ATP10A: variants seen among roughly 807,000 people sequenced by gnomAD.
ATP10A encodes the protein ATPase phospholipid transporting 10A (putative).
In ATP10A, 111 loss-of-function variants were observed where a neutral mutation model predicts 147.8. The ratio of observed to expected loss-of-function variants is 0.75; its 90% CI spans 0.64 to 0.88. The LOEUF (loss-of-function observed/expected upper bound fraction) is 0.88, where lower values mean the gene tolerates loss of function less well. Among genes scored for constraint, ATP10A ranks in the 40% least tolerant of loss-of-function variants. The probability of loss-of-function intolerance (pLI) is 0.00; values close to 1 mark genes in which losing one functional copy is unlikely to be tolerated. For missense variants in ATP10A, 1,927 were observed against 1,959.0 expected (o/e 0.98, Z 0.31); for synonymous variants, 875 against 841.6 (o/e 1.04, Z -0.69).
In ATP10A at chr15:25,683,388, G is replaced by A. The variant is rs1292707172; in HGVS notation, c.3390C>T (p.Phe1130=). 1.2e-6 allele frequency: 2 copies of A among 1,614,032 alleles called. No homozygotes were observed. The highest frequency in any genetic ancestry group is 2.7e-5 in the African/African-American group (2 of 74,934). Residue 1130 remains phenylalanine, a synonymous_variant, in exon 17 of 21, where the codon TTC becomes TTT. Coordinates refer to ENST00000555815, the MANE Select transcript of ATP10A (RefSeq NM_024490.4). ...QWYLIFFNLL[F]SSLPPLVTGV... ...CAGTCACGAGCGGGGGAAGTGACGA[G>A]AAGAGCAGATTAAAGAAGATTAGAT...
At chr15:25,766,405 T>C (rs1016588757) in intron 2 of ATP10A, among the ~76,000 whole-genome samples, 1 of 152,264 alleles carries the variant, frequency 6.6e-6, no homozygotes, top group East Asian at 1.9e-4. Flanking sequence ...TGCTGTAGCC[T>C]GCCTGTATAA....
intron 1 of ATP10A, among the ~76,000 whole-genome samples, chr15:25,813,179 C>T (rs1406049824): frequency 6.6e-6 from 1 of 152,064 alleles, no homozygotes; most frequent in Non-Finnish European, 1.5e-5. Context: ...AGGGAAAGAC[C>T]CAATGGTAAA....
Position 25,716,737 on chromosome 15 carries a change from C to T in ATP10A, c.1769G>A (p.Arg590Gln), listed in dbSNP as rs138618267. 6.4e-5 allele frequency: 102 copies of T among 1,582,624 alleles called. No homozygotes were observed. In the African/African-American group the frequency reaches 7.4e-4, roughly 12 times the overall value. The stretch of plus-strand genomic sequence containing the variant: ...GGACCCTCCAGAACTTGCCTTTGTT[C>T]GTGGCTGATCCGGGGACGTGACGAC... ...TVVVTSPDQP[R>Q]TKVRVRFELK... is the part of the protein sequence containing the mutation. The change falls in exon 9 of 21, where the codon CGA (arginine) becomes CAA (glutamine). Residue 590 changes from arginine to glutamine, a missense_variant. Coordinates refer to ENST00000555815, the MANE Select transcript of ATP10A (RefSeq NM_024490.4).
chr15:25,851,519 C>G (rs756074077), intron 1 of ATP10A, among the ~76,000 whole-genome samples: 4 of 152,168 alleles, frequency 2.6e-5, no homozygotes, highest in Non-Finnish European at 5.9e-5. Flanking sequence ...TTACAATATA[C>G]GCCACATTGC....
chr15:25,730,348 G>A (rs1198079541), intron 3 of ATP10A, among the ~76,000 whole-genome samples: 1 of 8,644 alleles, frequency 1.2e-4, no homozygotes, highest in Non-Finnish European at 3.5e-3. Context: ...AAGAAAGGAA[G>A]GAAGGAAGGA....
At chr15:25,807,234 G>A (rs1313551745) in intron 1 of ATP10A, among the ~76,000 whole-genome samples, 1 of 152,156 alleles carries the variant, frequency 6.6e-6, no homozygotes, top group South Asian at 2.1e-4. Context: ...CTGGCTGCTC[G>A]ACCCTGTCCT....
downstream of ATP10A, among the ~76,000 whole-genome samples, chr15:25,672,584 C>T (rs2140259926): frequency 6.6e-6 from 1 of 152,286 alleles, no homozygotes; most frequent in African/African-American, 2.4e-5. Flanking sequence ...AGCAGCTGTG[C>T]CATTTTGCAT....
At position 25,715,213 on chromosome 15, in the gene ATP10A, T is replaced by C. The variant is rs111964490; in HGVS notation, c.1777-972A>G. 4.5e-3 allele frequency among the ~76,000 whole-genome samples: 693 copies of C among 152,352 alleles called. 9 individuals are homozygous for C. Among genetic ancestry groups the C allele is most frequent in the African/African-American group, 0.016 (664 of 41,584 alleles). On this transcript the variant is annotated intron_variant, in intron 9 of 20. Transcript: ENST00000555815. ...GTAAAGCAAGGTGCATAGAGCCAGA[T>C]TTTGATACAGGTGCTTTTCCTTTGG...
intron 17 of ATP10A, among the ~76,000 whole-genome samples, chr15:25,682,086 G>T (rs1473435030): frequency 1.4e-5 from 2 of 147,156 alleles, no homozygotes; most frequent in African/African-American, 5.0e-5. Flanking sequence ...AGATGAAACT[G>T]CTTTCTGCAT....
Position 25,679,962 on chromosome 15 carries a change from T to A in ATP10A, c.3879A>T (p.Arg1293Ser). 1 of 1,593,020 alleles carries A rather than the reference T, an allele frequency of 6.3e-7. No homozygotes were observed. The highest frequency in any genetic ancestry group is 8.6e-7 in the Non-Finnish European group (1 of 1,165,788). Residue 1293 changes from arginine (R) to serine (S), a missense_variant, in exon 21 of 21, where the codon AGA (arginine) becomes AGT (serine). Coordinates refer to ENST00000555815, the MANE Select transcript of ATP10A (RefSeq NM_024490.4). Reference sequence around the variant, plus strand: ...TGGGGAAAACCCTCCCCTGGAGGGATCTGAAAAACAATCTAGAAAAAGTAC... The same window carrying A: ...TGGGGAAAACCCTCCCCTGGAGGGAACTGAAAAACAATCTAGAAAAAGTAC... ...VAALLPRLFF[R>S]SLQGRVFPTQ... is the part of the protein sequence containing the mutation.
chr15:25,755,860 T>C (rs980596253), intron 2 of ATP10A, among the ~76,000 whole-genome samples: 17 of 152,376 alleles, frequency 1.1e-4, no homozygotes, highest in African/African-American at 4.1e-4. Context: ...TAGCTAATTT[T>C]GAAACTCTTT....
chr15:25,853,118 A>G (rs1398571068), intron 1 of ATP10A, among the ~76,000 whole-genome samples: 2 of 152,254 alleles, frequency 1.3e-5, no homozygotes, highest in African/African-American at 4.8e-5. Flanking sequence ...CAGTGGAAAA[A>G]TAACCACAAG....
rs1902401082 is a variant in ATP10A, at chr15:25,723,989, T to C, written c.1012A>G (p.Lys338Glu). The C allele has an allele frequency of 6.2e-7, 1 of 1,607,564 alleles. No individual in the cohort carries two copies. Residue 338 changes from lysine (K) to glutamate (E), a missense_variant, in exon 6 of 21, where the codon AAG becomes GAG. By Grantham distance (56) the Lys-to-Glu change is moderately conservative. Coordinates refer to ENST00000555815, the MANE Select transcript of ATP10A (RefSeq NM_024490.4). ...HGLWIWRYQEKKSLFYVPKSD... is the reference protein window; with the variant it reads ...HGLWIWRYQEEKSLFYVPKSD... ...TTGGGGACATAAAATAATGACTTCT[T>C]CTCTTGATACCGCCATATCCACAGT... is the stretch of plus-strand genomic sequence containing the variant.
intron 13 of ATP10A, among the ~76,000 whole-genome samples, chr15:25,699,754 G>C (rs1299858482): frequency 6.6e-6 from 1 of 152,146 alleles, no homozygotes; most frequent in African/African-American, 2.4e-5. Context: ...TGTGGTCCCA[G>C]GTACTAGGGA....
chr15:25,736,177 G>T, intron 2 of ATP10A, 36 bp from the exon 3 acceptor site: 1 of 1,578,610 alleles, frequency 6.3e-7, no homozygotes, highest in Non-Finnish European at 8.7e-7. Flanking sequence ...GAGAAATCCG[G>T]GCTCAGGCTG....
At chr15:25,702,171 G>A (rs952078607) in intron 12 of ATP10A, 71 bp from the exon 13 acceptor site, 4 of 1,458,110 alleles carry the variant, frequency 2.7e-6, no homozygotes, top group Non-Finnish European at 3.8e-6. Flanking sequence ...GGGTGCAAAT[G>A]TCATGCACCA....
chr15:25,771,552 C>A (rs1889336088), intron 2 of ATP10A, among the ~76,000 whole-genome samples: 1 of 152,172 alleles, frequency 6.6e-6, no homozygotes, highest in Admixed American at 6.5e-5. Flanking sequence ...CCTCCACCCA[C>A]CCAGAGATGT....
chr15:25,714,328 AC>A, intron 9 of ATP10A, 87 bp from the exon 10 acceptor site: 1 of 1,250,140 alleles, frequency 8.0e-7, no homozygotes, highest in Non-Finnish European at 1.1e-6. Flanking sequence ...TGCTCCAGGC[AC>A]TTGGAGGAAC....
Position 25,716,827 on chromosome 15 carries a change from T to A in ATP10A, c.1679A>T (p.His560Leu). ...GACGTCAGACAGCTCAGGCGAGAGG[T>A]GGGCCAGCAGGTGCTCCTGATGCCT... is the stretch of plus-strand genomic sequence containing the variant. ...VARHQEHLLA[H>L]LSPELSDVFD... Residue 560 changes from histidine (H) to leucine (L), a missense_variant, in exon 9 of 21, where the codon CAC (histidine) becomes CTC (leucine). Physicochemically the swap from His to Leu is moderately conservative, Grantham distance 99 (BLOSUM62 -3). Coordinates refer to ENST00000555815, the MANE Select transcript of ATP10A (RefSeq NM_024490.4). The A allele has an allele frequency of 6.2e-7, 1 of 1,610,910 alleles. No homozygotes were observed. Among genetic ancestry groups the A allele is most frequent in the Non-Finnish European group, 8.5e-7 (1 of 1,178,684 alleles).
Sources: allele counts gnomAD v4.1 joint callset (sites outside exome capture counted in the v4.1 genomes callset), GRCh38; gene constraint gnomAD v4.1.1; transcripts MANE v1.5; gene names NCBI Gene and HGNC (gene_info 2026-07-23, HGNC 2026-07-21).